TSC22D1: variants seen among roughly 807,000 people sequenced by gnomAD.
TSC22D1 encodes TSC22 domain family protein 1.
TSC22D1 carries 9 observed loss-of-function variants against 74.2 expected under a neutral mutation model. The observed-to-expected ratio is 0.12, with a 90% CI of 0.07 to 0.21. The LOEUF is 0.21. Ranked by LOEUF, TSC22D1 falls within the 10% of genes least tolerant of loss-of-function variation. TSC22D1 has a pLI of 1.00. For synonymous variants in TSC22D1, 586 were observed against 492.5 expected (o/e 1.19, Z -2.51); for missense variants, 1,427 against 1,304.7 (o/e 1.09, Z -1.44).
At chr13:44,508,879 C>T (rs1219613619) in intron 1 of TSC22D1, among the ~76,000 whole-genome samples, 2 of 152,104 alleles carry the variant, frequency 1.3e-5, no homozygotes, top group African/African-American at 2.4e-5. Context: ...ACACAGCCCC[C>T]GTGCTCATGG....
intron 1 of TSC22D1, chr13:44,536,948 AAAAAAAAAAAAC>A: frequency 1.5e-6 from 1 of 673,178 alleles, no homozygotes; most frequent in Non-Finnish European, 1.8e-6. Context: ...AAAAAAAAAA[AAAAAAAAAAAAC>A]AAAAAAAACT....
intron 1 of TSC22D1, chr13:44,436,458 G>A (rs1202601552): frequency 1.3e-6 from 2 of 1,595,628 alleles, no homozygotes; most frequent in African/African-American, 2.7e-5. Context: ...ATTATTATAA[G>A]TATCCCACGA....
At chr13:44,566,879 C>G (rs1883409028) in intron 1 of TSC22D1, among the ~76,000 whole-genome samples, 2 of 152,066 alleles carry the variant, frequency 1.3e-5, no homozygotes, top group South Asian at 4.1e-4. Flanking sequence ...TGCAAAATCC[C>G]CAAAAGACTC....
chr13:44,515,996 T>C (rs1314585267), intron 1 of TSC22D1, among the ~76,000 whole-genome samples: 2 of 152,210 alleles, frequency 1.3e-5, no homozygotes, highest in Non-Finnish European at 2.9e-5. Context: ...TCCACACTTC[T>C]AGTATACTAT....
At position 44,536,950 on chromosome 13, in the gene TSC22D1, A is replaced by AC. The variant is rs1881176435; in HGVS notation, c.2912+36212_2912+36213insG. On this transcript the variant is annotated intron_variant, in intron 1 of 2. Coordinates refer to ENST00000458659, the MANE Select transcript of TSC22D1 (RefSeq NM_183422.4). The stretch of plus-strand genomic sequence containing the variant: ...TGAAAAAAAAAAAAAAAAAAAAAAA[A>AC]AAAAAAAAACAAAAAAAACTAACAC... 1.1e-4 allele frequency: 107 copies of AC among 937,454 alleles called. 5 individuals are homozygous for AC. Among genetic ancestry groups the AC allele is most frequent in the Middle Eastern group, 5.5e-4 (1 of 1,814 alleles). 58.1% of individuals were successfully genotyped at this position (937,454 alleles called of 1,614,324 possible).
intron 1 of TSC22D1, chr13:44,537,545 C>A: frequency 1.0e-6 from 1 of 985,032 alleles, no homozygotes; most frequent in East Asian, 1.1e-4. Flanking sequence ...ACTTAATTTC[C>A]AAGCAAATAT....
chr13:44,460,569 G>A (rs1371852555), intron 1 of TSC22D1, among the ~76,000 whole-genome samples: 1 of 152,080 alleles, frequency 6.6e-6, no homozygotes, highest in Non-Finnish European at 1.5e-5. Context: ...TTTATTTGAT[G>A]TCCTAAACTG....
intron 1 of TSC22D1, among the ~76,000 whole-genome samples, chr13:44,540,338 GA>G (rs1881392993): frequency 6.6e-6 from 1 of 152,114 alleles, no homozygotes; most frequent in Non-Finnish European, 1.5e-5. Context: ...AGTAGAAACA[GA>G]AAAAACCAAG....
chr13:44,523,677 C>CA (rs1269645552), intron 1 of TSC22D1, among the ~76,000 whole-genome samples: 9 of 152,040 alleles, frequency 5.9e-5, no homozygotes, highest in Admixed American at 5.9e-4. Flanking sequence ...ACCCTGATGA[C>CA]AGAGCATTCA....
chr13:44,435,713 C>T (rs1874537469), intron 2 of TSC22D1: 1 of 382,174 alleles, frequency 2.6e-6, no homozygotes, highest in Non-Finnish European at 4.8e-6. Flanking sequence ...AAAGCCACAT[C>T]GCTAAAGGTG....
intron 1 of TSC22D1, 152 bp from the exon 2 acceptor site, chr13:44,436,247 G>A: frequency 1.0e-6 from 1 of 978,874 alleles, no homozygotes; most frequent in Non-Finnish European, 1.5e-6. Context: ...GAAAATGCCA[G>A]CCCCTCTCTT....
chr13:44,533,352 C>T (rs1266552738), intron 1 of TSC22D1, among the ~76,000 whole-genome samples: 1 of 151,642 alleles, frequency 6.6e-6, no homozygotes, highest in African/African-American at 2.4e-5. Flanking sequence ...ATCCCAGCTA[C>T]TCACGAGGCT....
At chr13:44,448,950 A>T (rs73188722) in intron 1 of TSC22D1, among the ~76,000 whole-genome samples, 2 of 152,072 alleles carry the variant, frequency 1.3e-5, no homozygotes, top group Non-Finnish European at 2.9e-5. Context: ...AAGGGACCAT[A>T]AAGTGAAATG....
At chr13:44,467,399 G>A (rs1877349976) in intron 1 of TSC22D1, among the ~76,000 whole-genome samples, 2 of 151,964 alleles carry the variant, frequency 1.3e-5, no homozygotes, top group African/African-American at 4.8e-5. Flanking sequence ...ATAAATAAAT[G>A]GGACTTACTT....
At chr13:44,468,919 C>T (rs962972173) in intron 1 of TSC22D1, among the ~76,000 whole-genome samples, 2 of 130,288 alleles carry the variant, frequency 1.5e-5, no homozygotes, top group Non-Finnish European at 1.8e-5. Flanking sequence ...TATGTTTTAT[C>T]AATTCTGCCC....
At chr13:44,553,587 A>G (rs1029515523) in intron 1 of TSC22D1, among the ~76,000 whole-genome samples, 1 of 152,218 alleles carries the variant, frequency 6.6e-6, no homozygotes, top group Non-Finnish European at 1.5e-5. Context: ...AATCTTTCAG[A>G]ATGAAAAAGT....
intron 1 of TSC22D1, among the ~76,000 whole-genome samples, chr13:44,442,832 C>A (rs991208865): frequency 4.7e-5 from 7 of 148,968 alleles, no homozygotes; most frequent in South Asian, 2.1e-4. Context: ...CTGCATGAAC[C>A]CAGGAGGCAG....
At position 44,576,318 on chromosome 13, in the gene TSC22D1, C is replaced by T. The variant is rs1884245657; in HGVS notation, c.-244G>A. The T allele has an allele frequency of 1.9e-6, 1 of 526,260 alleles. No individual in the cohort carries two copies. The highest frequency in any genetic ancestry group is 3.3e-6 in the Non-Finnish European group (1 of 300,828). 32.6% of individuals were successfully genotyped at this position (526,260 alleles called of 1,614,324 possible). A position where few individuals can be genotyped will look rare whatever the true frequency, so the allele number is the denominator to read the frequency against. On this transcript the variant is annotated 5_prime_UTR_variant, in exon 1 of 3. Transcript: ENST00000458659. ...CGAAGGGGGGATCCCTTCAGTCCTT[C>T]GCCATTCACTTTCCCCTCTAGCCTC...
chr13:44,451,185 C>T (rs1595086535), intron 1 of TSC22D1, among the ~76,000 whole-genome samples: 1 of 152,216 alleles, frequency 6.6e-6, no homozygotes. Flanking sequence ...GGCAGCCTCA[C>T]GAAATGAGCC....
Sources: gnomAD v4.1 joint callset for allele counts (sites outside exome capture counted in the v4.1 genomes callset) on GRCh38, gnomAD v4.1.1 for gene constraint, MANE v1.5 for transcripts, NCBI Gene and HGNC (gene_info 2026-07-23, HGNC 2026-07-21) for gene names.